The following STRBP variants were observed in gnomAD, a reference collection of about 807,000 sequenced individuals.
The protein encoded by STRBP is spermatid perinuclear RNA binding protein.
A neutral mutation model predicts 80.1 loss-of-function variants in STRBP; 13 were observed. That is an observed-to-expected ratio of 0.16 (90% CI 0.11 to 0.26). The LOEUF (loss-of-function observed/expected upper bound fraction) is 0.26, where lower values mean the gene tolerates loss of function less well. STRBP is among the 10% of genes least tolerant of loss of function. STRBP has a pLI of 1.00. For synonymous variants in STRBP, 284 were observed against 291.2 expected, an observed-to-expected ratio of 0.98 and a Z score of 0.25; for missense variants, 485 against 815.2, an observed-to-expected ratio of 0.59 and a Z score of 4.93.
chr9:123,173,621 C>T (rs745662350), intron 5 of STRBP, 56 bp downstream of exon 5: 82 of 1,536,106 alleles, frequency 5.3e-5, no homozygotes, highest in Non-Finnish European at 7.1e-5. Context: ...TTCAAAGTCA[C>T]TACCTATTTC....
intron 1 of STRBP, among the ~76,000 whole-genome samples, chr9:123,258,782 C>A (rs1370178310): frequency 7.8e-6 from 1 of 128,920 alleles, no homozygotes. Flanking sequence ...GCCTGGGTGA[C>A]AGAGCGAGAC....
rs377196958 is a variant in STRBP, at chr9:123,158,339, C to T, written c.926G>A (p.Ser309Asn). ...TIQQKEDITH[S>N]AQHALRLSAF... ...GCATGCTCAATCTTCTACCTGTGCA[C>T]TGTGGGTAATATCTTCTTTTTGCTG... The change falls in exon 10 of 19, where the codon AGT becomes AAT. Residue 309 changes from serine to asparagine, a missense_variant. Ser to Asn is a conservative substitution (Grantham distance 46). Coordinates refer to ENST00000348403, the MANE Select transcript of STRBP (RefSeq NM_018387.5). The T allele has an allele frequency of 1.2e-6, 2 of 1,613,278 alleles. No homozygotes were observed. The highest frequency in any genetic ancestry group is 1.7e-5 in the Admixed American group (1 of 59,958).
intron 1 of STRBP, among the ~76,000 whole-genome samples, chr9:123,261,137 C>T (rs1383778133): frequency 2.0e-5 from 3 of 152,144 alleles, no homozygotes; most frequent in African/African-American, 7.2e-5. Context: ...GGTTGCACAC[C>T]AGGCACTGTG....
At chr9:123,226,694 T>G (rs941900730) in intron 2 of STRBP, among the ~76,000 whole-genome samples, 1 of 152,090 alleles carries the variant, frequency 6.6e-6, no homozygotes, top group African/African-American at 2.4e-5. Flanking sequence ...TGTGACACTT[T>G]AGGTTACATC....
chr9:123,181,618 G>GA (rs2038460442), intron 3 of STRBP, among the ~76,000 whole-genome samples: 1 of 151,686 alleles, frequency 6.6e-6, no homozygotes, highest in East Asian at 1.9e-4. Context: ...CCAACATGAA[G>GA]AAACCTCGTC....
In STRBP at chr9:123,124,080, A is replaced by C. The variant is rs1046793449; in HGVS notation, c.*1517T>G. ...AATATATATCTGAGAAGTGACACTA[A>C]CATTTGTTGTACATTGCCCATTTCA... On this transcript the variant is annotated 3_prime_UTR_variant, in exon 19 of 19. Transcript: ENST00000348403. 1 of 985,344 alleles carries C rather than the reference A, an allele frequency of 1.0e-6. No homozygotes were observed. Among genetic ancestry groups the C allele is most frequent in the Non-Finnish European group, 1.2e-6 (1 of 829,942 alleles). The allele number at this position is 985,344 out of a possible 1,614,324, so 61.0% of individuals were successfully genotyped here. A position where few individuals can be genotyped will look rare whatever the true frequency, so the allele number is the denominator to read the frequency against.
intron 17 of STRBP, among the ~76,000 whole-genome samples, chr9:123,132,105 T>A (rs192141245): frequency 2.0e-5 from 3 of 152,292 alleles, no homozygotes; most frequent in Non-Finnish European, 2.9e-5. Flanking sequence ...GAGAGGGCAT[T>A]CTCCCAAATC....
At chr9:123,239,871 A>C (rs1247773269) in intron 1 of STRBP, among the ~76,000 whole-genome samples, 1 of 152,210 alleles carries the variant, frequency 6.6e-6, no homozygotes, top group Non-Finnish European at 1.5e-5. Flanking sequence ...TTGAAGCTAT[A>C]AACAGTCTTA....
At chr9:123,147,563 A>G (rs1341834543) in intron 12 of STRBP, among the ~76,000 whole-genome samples, 1 of 150,854 alleles carries the variant, frequency 6.6e-6, no homozygotes, top group African/African-American at 2.4e-5. Flanking sequence ...TGTGATCCCT[A>G]CTATTTGAGA....
chr9:123,161,065 T>C lies in STRBP; in HGVS notation c.539A>G (p.Asn180Ser). ...GTCCGGAGGATCTTTCATCGAAACA[T>C]TTTCTAACAGTAAAATGGGATAAAG... ...RDELEKKDGE[N>S]VSMKDPPDLL... Residue 180 changes from asparagine (N) to serine (S), a missense_variant, in exon 7 of 19, where the codon AAT becomes AGT. Coordinates refer to ENST00000348403, the MANE Select transcript of STRBP (RefSeq NM_018387.5). The C allele has an allele frequency of 6.3e-7, 1 of 1,598,698 alleles. No homozygotes were observed. The highest frequency in any genetic ancestry group is 1.1e-5 in the South Asian group (1 of 88,318).
At chr9:123,243,265 C>CAAAAAAAAAAAAAAAAAAAAAA (rs1160280485) in intron 1 of STRBP, among the ~76,000 whole-genome samples, 1 of 78,952 alleles carries the variant, frequency 1.3e-5, no homozygotes, top group Non-Finnish European at 2.9e-5. Context: ...ATCAATAAGA[C>CAAAAAAAAAAAAAAAAAAAAAA]AAAAAAAAAA....
intron 11 of STRBP, among the ~76,000 whole-genome samples, chr9:123,153,141 T>C (rs1588002548): frequency 6.6e-6 from 1 of 151,540 alleles, no homozygotes; most frequent in Admixed American, 6.6e-5. Context: ...TGAGAGATGA[T>C]GGCAGCTTAG....
rs761589869 is a variant in STRBP, at chr9:123,158,375, T to C, written c.890A>G (p.Tyr297Cys). 7.4e-6 allele frequency: 12 copies of C among 1,613,598 alleles called. No individual in the cohort carries two copies. Among genetic ancestry groups the C allele is most frequent in the African/African-American group, 4.0e-5 (3 of 74,894 alleles). The change falls in exon 10 of 19, where the codon TAT becomes TGT. Residue 297 changes from tyrosine (Y) to cysteine (C), a missense_variant. This residue lies in a region of STRBP where 377 missense variants were observed against 616.1 expected (regional missense o/e 0.61). Transcript: ENST00000348403. ...ATCTTCTTTTTGCTGGATGGTCATA[T>C]AGCTCAGAGCATCTGTTGGGTCTCG... ...CERDPTDALS[Y>C]MTIQQKEDIT... is the part of the protein sequence containing the mutation.
chr9:123,263,029 C>CT (rs1303561802), intron 1 of STRBP, among the ~76,000 whole-genome samples: 3 of 152,198 alleles, frequency 2.0e-5, no homozygotes, highest in African/African-American at 7.2e-5. Context: ...ACTCGATTCA[C>CT]TAGCCTCTTA....
At chr9:123,118,635 A>G (rs1197626697), downstream of STRBP, among the ~76,000 whole-genome samples, 1 of 152,258 alleles carries the variant, frequency 6.6e-6, no homozygotes, top group Admixed American at 6.5e-5. Flanking sequence ...TTTGCAGGAC[A>G]TTAGCTAAAC....
intron 13 of STRBP, among the ~76,000 whole-genome samples, chr9:123,145,684 C>G (rs945444501): frequency 6.6e-6 from 1 of 152,132 alleles, no homozygotes; most frequent in Non-Finnish European, 1.5e-5. Flanking sequence ...GAACTTAGCT[C>G]TAAACTTGTG....
Position 123,136,547 on chromosome 9 carries a change from C to A in STRBP, c.1498-32G>T. On this transcript the variant is annotated intron_variant, in intron 14 of 18. Transcript: ENST00000348403. This position sits in a 1 kb window ranked among gnomAD's most constrained non-coding sequence, Gnocchi z 4.2. ...GAGAAAGGGAATCTGAAGGTTCAAT[C>A]AAGTAAGATTTTAGAATATTACATT... 1 of 1,602,964 alleles carries A rather than the reference C, an allele frequency of 6.2e-7. No homozygotes were observed. Among genetic ancestry groups the A allele is most frequent in the South Asian group, 1.1e-5 (1 of 88,886 alleles).
At chr9:123,207,300 CAA>C (rs1173666249) in intron 2 of STRBP, among the ~76,000 whole-genome samples, 1 of 152,110 alleles carries the variant, frequency 6.6e-6, no homozygotes. Flanking sequence ...TGTCCATCAA[CAA>C]GAGAATAAAG....
At chr9:123,251,516 G>T (rs554952699) in intron 1 of STRBP, among the ~76,000 whole-genome samples, 1 of 152,272 alleles carries the variant, frequency 6.6e-6, no homozygotes, top group East Asian at 1.9e-4. Flanking sequence ...CATAATACCG[G>T]ATTGGAAATC....
Sources: allele counts gnomAD v4.1 joint callset (sites outside exome capture counted in the v4.1 genomes callset), GRCh38; gene constraint gnomAD v4.1.1; regional missense constraint gnomAD v4.1.1; non-coding constraint Gnocchi (gnomAD v3.1); transcripts MANE v1.5; gene names NCBI Gene and HGNC (gene_info 2026-07-23, HGNC 2026-07-21).